RCC1L: variants seen among roughly 807,000 people sequenced by gnomAD.
The protein encoded by RCC1L is RCC1-like G exchanging factor-like protein.
In RCC1L, 46 loss-of-function variants were observed where a neutral mutation model predicts 58.6. The ratio of observed to expected loss-of-function variants is 0.79; its 90% CI spans 0.62 to 1.00. The LOEUF is 1.00. RCC1L is among the 50% of genes least tolerant of loss of function. The probability of loss-of-function intolerance (pLI) is 0.00; values close to 1 mark genes in which losing one functional copy is unlikely to be tolerated. For synonymous variants in RCC1L, 281 were observed against 262.9 expected (o/e 1.07, Z -0.67); for missense variants, 636 against 623.6 (o/e 1.02, Z -0.21).
At chr7:75,073,322 G>T (rs1806834189) in intron 1 of RCC1L, 92 bp downstream of exon 1, 2 of 564,004 alleles carry the variant, frequency 3.5e-6, no homozygotes, top group South Asian at 4.2e-5. Context: ...CCACCCAGAG[G>T]AGCCAACTTC....
chr7:75,036,711 T>C (rs1415157629), intron 10 of RCC1L, among the ~76,000 whole-genome samples: 5 of 152,014 alleles, frequency 3.3e-5, no homozygotes, highest in African/African-American at 1.2e-4. Flanking sequence ...CTGGCCAACA[T>C]GGTGAAACCC....
chr7:75,030,478 G>C (rs917603703), intron 10 of RCC1L, among the ~76,000 whole-genome samples: 206 of 152,308 alleles, frequency 1.4e-3, no homozygotes, highest in Admixed American at 2.7e-3. Context: ...ACTCTGGAGG[G>C]GGGCAAAGGT....
chr7:75,040,548 G>C (rs1406390587), downstream of RCC1L, among the ~76,000 whole-genome samples: 1 of 152,090 alleles, frequency 6.6e-6, no homozygotes, highest in Admixed American at 6.6e-5. Context: ...CTTCTCCAGA[G>C]ACCCTCCATC....
At chr7:75,056,195 TG>T (rs1806076538) in intron 8 of RCC1L, 121 bp from the exon 9 acceptor site, 3 of 1,218,628 alleles carry the variant, frequency 2.5e-6, no homozygotes, top group East Asian at 4.7e-5. Flanking sequence ...GTTTTTTTTT[TG>T]TTTTGTTTTT....
Position 75,052,718 on chromosome 7 carries a change from GGGAAATACT to G in RCC1L, c.1301_1309del (p.Gln434_Phe436del). Reference sequence around the variant, plus strand: ...CTCCCCGGCCAGCCTTACCCTCCATGGGAAATACTGGTCCTCCAGGCGACCGATTCCCAG... The same window carrying G: ...CTCCCCGGCCAGCCTTACCCTCCATGGGTCCTCCAGGCGACCGATTCCCAG... On this transcript the variant is annotated inframe_deletion, in exon 10 of 11. Transcript: ENST00000610322. 6.2e-7 allele frequency: 1 copy of G among 1,611,464 alleles called. No individual in the cohort carries two copies. Among genetic ancestry groups the G allele is most frequent in the South Asian group, 1.1e-5 (1 of 90,124 alleles).
intron 10 of RCC1L, among the ~76,000 whole-genome samples, chr7:75,043,691 T>C (rs1189564095): frequency 1.3e-5 from 2 of 152,142 alleles, no homozygotes; most frequent in East Asian, 1.9e-4. Context: ...GGCAGGCGCC[T>C]GTAATCCCAG....
At chr7:75,068,676 T>C (rs1806602822) in intron 2 of RCC1L, among the ~76,000 whole-genome samples, 1 of 151,414 alleles carries the variant, frequency 6.6e-6, no homozygotes, top group South Asian at 2.1e-4. Context: ...ACAGCAAGAC[T>C]CCATCTCAAA....
At chr7:75,040,471 C>CA (rs1711905937), downstream of RCC1L, among the ~76,000 whole-genome samples, 1 of 151,796 alleles carries the variant, frequency 6.6e-6, no homozygotes, top group Non-Finnish European at 1.5e-5. Flanking sequence ...AACAAACAAA[C>CA]AAAAAAGATC....
At chr7:75,065,155 T>C (rs2132005250) in intron 3 of RCC1L, among the ~76,000 whole-genome samples, 1 of 151,512 alleles carries the variant, frequency 6.6e-6, no homozygotes, top group Admixed American at 6.6e-5. Context: ...CTTCCCCAAG[T>C]TTGCATTTTC....
In RCC1L at chr7:75,050,573, T is replaced by A. The variant is rs953003390; in HGVS notation, c.1317+2138A>T. On this transcript the variant is annotated intron_variant, in intron 10 of 10. Coordinates refer to ENST00000610322, the MANE Select transcript of RCC1L (RefSeq NM_030798.5). ...CCGGCTGCTTTAACTGTTTCCCAAG[T>A]TCCCCCCTCAGAAGGAAGTCCTTTT... Among the ~76,000 whole-genome samples, 168 of 152,270 alleles carry A rather than the reference T, an allele frequency of 1.1e-3. 1 individual carries two copies. The highest frequency in any genetic ancestry group is 3.6e-3 in the African/African-American group (148 of 41,578).
Position 75,073,492 on chromosome 7 carries a change from G to A in RCC1L, c.246C>T (p.Ser82=). Residue 82 remains serine, a synonymous_variant, in exon 1 of 11, where the codon TCC becomes TCT. Coordinates refer to ENST00000610322, the MANE Select transcript of RCC1L (RefSeq NM_030798.5). ...LGVPSFVVPS[S]GPGPRAGARP... ...GGGCGCCGGCGCGGGGCCCGGGCCC[G>A]GAGCTGGGCACCACAAAGGAAGGCA... is the stretch of plus-strand genomic sequence containing the variant. 4.3e-6 allele frequency: 6 copies of A among 1,381,434 alleles called. No individual in the cohort carries two copies. The highest frequency in any genetic ancestry group is 1.5e-5 in the African/African-American group (1 of 65,410). The allele number at this position is 1,381,434 out of a possible 1,614,324, so 85.6% of individuals were successfully genotyped here. A position where few individuals can be genotyped will look rare whatever the true frequency, so the allele number is the denominator to read the frequency against.
At chr7:75,051,369 CATAT>C (rs1231313535) in intron 10 of RCC1L, among the ~76,000 whole-genome samples, 1 of 149,812 alleles carries the variant, frequency 6.7e-6, no homozygotes, top group African/African-American at 2.5e-5. Context: ...TATATACACA[CATAT>C]ATATATACAC....
intron 10 of RCC1L, among the ~76,000 whole-genome samples, chr7:75,047,868 A>G (rs1418959093): frequency 6.7e-6 from 1 of 149,158 alleles, no homozygotes; most frequent in East Asian, 2.0e-4. Context: ...GCTGGTATCG[A>G]ACTCCTGACC....
intron 10 of RCC1L, 78 bp from the exon 11 acceptor site, chr7:75,043,187 G>A (rs1805617989): frequency 1.3e-6 from 2 of 1,532,044 alleles, no homozygotes; most frequent in African/African-American, 1.4e-5. Flanking sequence ...GGCCGACCCG[G>A]CCCTGCCTCT....
intron 10 of RCC1L, among the ~76,000 whole-genome samples, chr7:75,044,805 G>A (rs1371506090): frequency 2.0e-5 from 3 of 151,124 alleles, no homozygotes; most frequent in South Asian, 2.1e-4. Context: ...GGGAGGCCGC[G>A]GTGGGCAGGA....
intron 10 of RCC1L, among the ~76,000 whole-genome samples, chr7:75,036,350 G>A (rs1805430531): frequency 6.7e-6 from 1 of 148,650 alleles, no homozygotes; most frequent in African/African-American, 2.5e-5. Context: ...TCGAACTCCC[G>A]ACCTCAGGTG....
chr7:75,046,360 T>C (rs1025711773), intron 10 of RCC1L, among the ~76,000 whole-genome samples: 10 of 152,162 alleles, frequency 6.6e-5, no homozygotes, highest in African/African-American at 2.2e-4. Context: ...CCCCAGCCAT[T>C]AGGGAGCACT....
Position 75,042,991 on chromosome 7 carries a change from G to C in RCC1L, c.*41C>G, listed in dbSNP as rs1805610695. The C allele has an allele frequency of 9.3e-6, 15 of 1,613,954 alleles. No homozygotes were observed. In the East Asian group the frequency reaches 3.3e-4, roughly 36 times the overall value. On this transcript the variant is annotated 3_prime_UTR_variant, in exon 11 of 11. Transcript: ENST00000610322. ...CGCTGGCCTCTGCCAAGGAGTGCCA[G>C]TGGTTCCCGGGACGGGGCCGCCCAA... is the stretch of plus-strand genomic sequence containing the variant.
intron 2 of RCC1L, among the ~76,000 whole-genome samples, chr7:75,069,398 G>A (rs79737005): frequency 0.029 from 4,438 of 151,212 alleles, 178 homozygotes; most frequent in African/African-American, 0.088. Context: ...TAGAGACAGA[G>A]TCTCGCTATG....
Sources: allele counts gnomAD v4.1 joint callset (sites outside exome capture counted in the v4.1 genomes callset), GRCh38; gene constraint gnomAD v4.1.1; transcripts MANE v1.5; gene names NCBI Gene and HGNC (gene_info 2026-07-23, HGNC 2026-07-21).